Variants in ALK observed in about 807,000 individuals in gnomAD.
ALK encodes the protein ALK receptor tyrosine kinase.
Under a neutral mutation model 163.1 loss-of-function variants are expected in ALK, and 74 were observed. The ratio of observed to expected loss-of-function variants is 0.45; its 90% CI spans 0.38 to 0.55. The LOEUF is 0.55. Among genes scored for constraint, ALK ranks in the 20% least tolerant of loss-of-function variants. The probability of loss-of-function intolerance (pLI) is 0.00; values close to 1 mark genes in which losing one functional copy is unlikely to be tolerated. For missense variants in ALK, 2,063 were observed against 2,105.3 expected (o/e 0.98, Z 0.39); for synonymous variants, 960 against 843.2 (o/e 1.14, Z -2.40).
At chr2:29,831,289 A>G (rs1468925163) in intron 1 of ALK, among the ~76,000 whole-genome samples, 2 of 138,362 alleles carry the variant, frequency 1.4e-5, no homozygotes, top group Non-Finnish European at 3.1e-5. Flanking sequence ...AAGAAGAAGA[A>G]GAAGAAGAAG....
At chr2:29,624,128 T>C (rs1676119966) in intron 3 of ALK, among the ~76,000 whole-genome samples, 1 of 22,990 alleles carries the variant, frequency 4.3e-5, no homozygotes. Context: ...ATTGTCAGAC[T>C]ATGTGTTGAT....
At chr2:29,730,651 C>T (rs1458103797) in intron 1 of ALK, among the ~76,000 whole-genome samples, 1 of 152,156 alleles carries the variant, frequency 6.6e-6, no homozygotes, top group East Asian at 1.9e-4. Flanking sequence ...GCCAGTGCTT[C>T]CTCACCTTTT....
intron 4 of ALK, among the ~76,000 whole-genome samples, chr2:29,437,256 T>G (rs1670424965): frequency 6.6e-6 from 1 of 152,148 alleles, no homozygotes; most frequent in Admixed American, 6.5e-5. Context: ...TTAGATATGC[T>G]GAGTACATCT....
intron 1 of ALK, among the ~76,000 whole-genome samples, chr2:29,893,094 G>A (rs933535186): frequency 1.3e-5 from 2 of 152,132 alleles, no homozygotes; most frequent in Non-Finnish European, 2.9e-5. Flanking sequence ...CTGATGTGCT[G>A]TTGTCGCCCC....
intron 3 of ALK, among the ~76,000 whole-genome samples, chr2:29,567,222 G>A (rs935598420): frequency 3.3e-5 from 5 of 152,156 alleles, no homozygotes; most frequent in African/African-American, 1.2e-4. Context: ...TTGTCTTACT[G>A]GGCGTCAGCA....
intron 4 of ALK, among the ~76,000 whole-genome samples, chr2:29,517,705 C>A (rs1672708615): frequency 1.3e-5 from 2 of 152,228 alleles, no homozygotes; most frequent in Admixed American, 1.3e-4. Context: ...ACATGATTAT[C>A]AGGATTGCAG....
intron 1 of ALK, among the ~76,000 whole-genome samples, chr2:29,721,032 G>A (rs763698458): frequency 6.6e-6 from 1 of 152,196 alleles, no homozygotes; most frequent in African/African-American, 2.4e-5. Flanking sequence ...AGGTGCCCAA[G>A]TGAGGCAGAC....
intron 3 of ALK, among the ~76,000 whole-genome samples, chr2:29,575,525 A>G (rs1429772852): frequency 6.6e-6 from 1 of 152,214 alleles, no homozygotes; most frequent in Non-Finnish European, 1.5e-5. Flanking sequence ...AGAATAAAGC[A>G]CGAAGGCTCG....
At chr2:29,598,362 G>T (rs963404561) in intron 3 of ALK, among the ~76,000 whole-genome samples, 2 of 141,958 alleles carry the variant, frequency 1.4e-5, no homozygotes, top group Non-Finnish European at 3.1e-5. Flanking sequence ...CTAGTTGTTT[G>T]TTTTTTGTTT....
Position 29,447,107 on chromosome 2 carries a change from G to A in ALK, c.1155-63248C>T, listed in dbSNP as rs535029325. ...CCAGAGTCAGCTGTAAACGCAGCTG[G>A]GGCCTCGTCTCCTGGCAAACACGTG... On this transcript the variant is annotated intron_variant, in intron 4 of 28. Transcript: ENST00000389048. 2.6e-5 allele frequency among the ~76,000 whole-genome samples: 4 copies of A among 152,274 alleles called. No homozygotes were observed. In the East Asian group the frequency reaches 7.7e-4, roughly 29 times the overall value.
chr2:29,516,028 T>C (rs1234090002), intron 4 of ALK, among the ~76,000 whole-genome samples: 1 of 152,196 alleles, frequency 6.6e-6, no homozygotes, highest in Non-Finnish European at 1.5e-5. Context: ...TCCAGTGACC[T>C]GGGTGAGGGC....
intron 4 of ALK, among the ~76,000 whole-genome samples, chr2:29,400,401 G>A (rs1669415056): frequency 6.6e-6 from 1 of 152,112 alleles, no homozygotes; most frequent in Non-Finnish European, 1.5e-5. Flanking sequence ...CCATGCTCTT[G>A]AGTGACCCTT....
At chr2:29,379,146 CAAGA>C (rs1291744492) in intron 5 of ALK, among the ~76,000 whole-genome samples, 1 of 152,152 alleles carries the variant, frequency 6.6e-6, no homozygotes, top group Non-Finnish European at 1.5e-5. Context: ...GTTGTCTGCT[CAAGA>C]AAGGTTTTTG....
intron 1 of ALK, among the ~76,000 whole-genome samples, chr2:29,744,816 G>A (rs1322735668): frequency 1.3e-5 from 2 of 151,798 alleles, no homozygotes; most frequent in South Asian, 2.1e-4. Flanking sequence ...GGGGGGTACC[G>A]AGAGAGAGAG....
intron 3 of ALK, among the ~76,000 whole-genome samples, chr2:29,625,220 T>C (rs1407471505): frequency 6.6e-6 from 1 of 152,232 alleles, no homozygotes; most frequent in Non-Finnish European, 1.5e-5. Context: ...ATATTTATTT[T>C]ATTGATCTTA....
intron 11 of ALK, among the ~76,000 whole-genome samples, chr2:29,255,471 T>C (rs1237796889): frequency 6.6e-6 from 1 of 152,154 alleles, no homozygotes; most frequent in African/African-American, 2.4e-5. Flanking sequence ...AAAAGCATTC[T>C]CAAGAGAATC....
chr2:29,193,239 GT>G lies in ALK; in HGVS notation c.4847del (p.Asn1616ThrfsTer19). ...GCGACCGAGCTCAGGGCCCAGGCTG[GT>G]TCATGCTATTCTTGCTTTTCAGAAT... is the stretch of plus-strand genomic sequence containing the variant. ...DTILKSKNSM[N>X]QPGP On this transcript the variant is annotated frameshift_variant, in exon 29 of 29. Transcript: ENST00000389048. LOFTEE classifies it high-confidence loss of function. 6.2e-7 allele frequency: 1 copy of G among 1,614,136 alleles called. No individual in the cohort carries two copies. The highest frequency in any genetic ancestry group is 8.5e-7 in the Non-Finnish European group (1 of 1,180,018).
intron 3 of ALK, among the ~76,000 whole-genome samples, chr2:29,637,100 G>T (rs766122269): frequency 3.3e-5 from 5 of 152,138 alleles, no homozygotes; most frequent in Non-Finnish European, 7.4e-5. Context: ...GTATTCCAGA[G>T]AAATGAAGAC....
rs142831070 is a variant in ALK at position 29,385,883 on chromosome 2, C to T, written c.1155-2024G>A. Reference sequence around the variant, plus strand: ...TTGATCATGATTATGCCAAAGCTAACTCTGTGTACTTATCTAAATACGGCC... The same window carrying T: ...TTGATCATGATTATGCCAAAGCTAATTCTGTGTACTTATCTAAATACGGCC... On this transcript the variant is annotated intron_variant, in intron 4 of 28. Coordinates refer to ENST00000389048, the MANE Select transcript of ALK (RefSeq NM_004304.5). Among the ~76,000 whole-genome samples the T allele has an allele frequency of 1.4e-4, 22 of 152,306 alleles. No individual in the cohort carries two copies. In the East Asian group the frequency reaches 4.2e-3, roughly 29 times the overall value.
Sources: gnomAD v4.1 joint callset for allele counts (sites outside exome capture counted in the v4.1 genomes callset) on GRCh38, gnomAD v4.1.1 for gene constraint, MANE v1.5 for transcripts, NCBI Gene and HGNC (gene_info 2026-07-23, HGNC 2026-07-21) for gene names.